MIS18BP1: variants seen among roughly 807,000 people sequenced by gnomAD.
MIS18BP1 encodes the protein mis18-binding protein 1.
A neutral mutation model predicts 116.1 loss-of-function variants in MIS18BP1; 72 were observed. The ratio of observed to expected loss-of-function variants is 0.62; its 90% CI spans 0.51 to 0.75. The LOEUF (loss-of-function observed/expected upper bound fraction) is 0.75, where lower values mean the gene tolerates loss of function less well. Ranked by LOEUF, MIS18BP1 falls within the 30% of genes least tolerant of loss-of-function variation. The probability of loss-of-function intolerance (pLI) is 0.00; values close to 1 mark genes in which losing one functional copy is unlikely to be tolerated. For synonymous variants in MIS18BP1, 386 were observed against 427.0 expected (o/e 0.90, Z 1.18); for missense variants, 1,363 against 1,303.2 (o/e 1.05, Z -0.71).
Position 45,247,006 on chromosome 14 carries a change from G to A in MIS18BP1, c.281C>T (p.Ala94Val). The A allele has an allele frequency of 6.2e-7, 1 of 1,613,186 alleles. No homozygotes were observed. Among genetic ancestry groups the A allele is most frequent in the Non-Finnish European group, 8.5e-7 (1 of 1,179,862 alleles). The change falls in exon 2 of 17, where the codon GCT becomes GTT. Residue 94 changes from alanine to valine, a missense_variant. Transcript: ENST00000310806. ...TAATCCATCCTTGTTGGGCTTTATA[G>A]CACTGATATCAAGAGAACTGTTAGA... ...TTSNSSLDIS[A>V]IKPNKDGLKN... is the part of the protein sequence containing the mutation.
rs754157744 is a variant in MIS18BP1 at position 45,204,197 on chromosome 14, G to A, written c.3311C>T (p.Ser1104Phe). Residue 1104 changes from serine (S) to phenylalanine (F), a missense_variant, in exon 17 of 17, where the codon TCT becomes TTT. Transcript: ENST00000310806. ...TPFNTDLGEN[S>F]GIGKLFTNAV... The stretch of plus-strand genomic sequence containing the variant: ...ATTAGTGAAAAGTTTTCCAATACCA[G>A]AGTTTTCTCCTAAGTCTGTAAAGAG... 1 of 1,609,500 alleles carries A rather than the reference G, an allele frequency of 6.2e-7. No individual in the cohort carries two copies.
chr14:45,210,484 TG>T lies in MIS18BP1; in HGVS notation c.3047del (p.Pro1016GlnfsTer18). 1.9e-6 allele frequency: 3 copies of T among 1,614,098 alleles called. No homozygotes were observed. Among genetic ancestry groups the T allele is most frequent in the Non-Finnish European group, 2.5e-6 (3 of 1,179,974 alleles). On this transcript the variant is annotated frameshift_variant, in exon 14 of 17. Coordinates refer to ENST00000310806, the MANE Select transcript of MIS18BP1 (RefSeq NM_018353.5). LOFTEE classifies it high-confidence loss of function. ...QDSEDDDDIL[P>X]NMDKNPTTPS... ...GAGTTGTTGGATTTTTGTCCATATT[TG>T]GCAGAATATCATCATCATCTTCACT...
rs745700230 is a variant in MIS18BP1 at position 45,224,045 on chromosome 14, C to T, written c.2542G>A (p.Val848Ile). The change falls in exon 11 of 17, where the codon GTT (valine) becomes ATT (isoleucine). Residue 848 changes from valine to isoleucine, a missense_variant. Coordinates refer to ENST00000310806, the MANE Select transcript of MIS18BP1 (RefSeq NM_018353.5). Reference sequence around the variant, plus strand: ...TCAGTAATTGGAAACTCTTTCCTAACACCAGACTTCTGAAGAGTTTCTTTG... The same window carrying T: ...TCAGTAATTGGAAACTCTTTCCTAATACCAGACTTCTGAAGAGTTTCTTTG... Reference protein sequence around the residue: ...SVKETLQKSGVRKEFPITEAV... With the variant: ...SVKETLQKSGIRKEFPITEAV... 4 of 1,613,858 alleles carry T rather than the reference C, an allele frequency of 2.5e-6. No homozygotes were observed. In the East Asian group the frequency reaches 6.7e-5, roughly 27 times the overall value.
intron 9 of MIS18BP1, among the ~76,000 whole-genome samples, 177 bp from the exon 10 acceptor site, chr14:45,227,013 T>G (rs1382204917): frequency 2.0e-5 from 3 of 152,214 alleles, no homozygotes; most frequent in East Asian, 1.9e-4. Flanking sequence ...ACGAGCAACA[T>G]CTGGGAATCC....
chr14:45,223,707 T>C (rs894911092), intron 11 of MIS18BP1, among the ~76,000 whole-genome samples: 2 of 152,262 alleles, frequency 1.3e-5, no homozygotes, highest in Non-Finnish European at 2.9e-5. Context: ...TCCTCATACT[T>C]AGGCTTTCCT....
At chr14:45,237,284 T>C (rs1948801925) in intron 5 of MIS18BP1, among the ~76,000 whole-genome samples, 1 of 152,236 alleles carries the variant, frequency 6.6e-6, no homozygotes, top group African/African-American at 2.4e-5. Context: ...CAGTAATTTA[T>C]ATCTGGTTGT....
At chr14:45,207,984 A>T (rs1890566161) in intron 14 of MIS18BP1, among the ~76,000 whole-genome samples, 1 of 152,124 alleles carries the variant, frequency 6.6e-6, no homozygotes, top group African/African-American at 2.4e-5. Context: ...CACAACCCAC[A>T]CTGGTGTCAT....
intron 11 of MIS18BP1, among the ~76,000 whole-genome samples, chr14:45,223,231 T>C (rs1891022784): frequency 1.3e-5 from 2 of 152,206 alleles, no homozygotes; most frequent in African/African-American, 4.8e-5. Context: ...TGCCCACTTC[T>C]AGGTTTCTAG....
intron 5 of MIS18BP1, among the ~76,000 whole-genome samples, chr14:45,236,928 T>C (rs1197500289): frequency 6.6e-6 from 1 of 151,558 alleles, no homozygotes; most frequent in Non-Finnish European, 1.5e-5. Context: ...GAAATGGGCA[T>C]AAAGCAGACA....
rs777910698 is a variant in MIS18BP1 at position 45,224,353 on chromosome 14, G to C, written c.2234C>G (p.Thr745Ser). ...QMLTSDFKKN[T>S]RLLPKLKKIE... Reference sequence around the variant, plus strand: ...TTTCTTCAATTTTGGTAATAGTCTGGTATTTTTCTTAAAGTCAGAGGTGAG... The same window carrying C: ...TTTCTTCAATTTTGGTAATAGTCTGCTATTTTTCTTAAAGTCAGAGGTGAG... The change falls in exon 11 of 17, where the codon ACC becomes AGC. Residue 745 changes from threonine (T) to serine (S), a missense_variant. Physicochemically the swap from Thr to Ser is moderately conservative, Grantham distance 58 (BLOSUM62 1). Transcript: ENST00000310806. 1.9e-6 allele frequency: 3 copies of C among 1,613,492 alleles called. No individual in the cohort carries two copies. Among genetic ancestry groups the C allele is most frequent in the Non-Finnish European group, 2.5e-6 (3 of 1,179,860 alleles).
chr14:45,235,877 T>C lies in MIS18BP1; in HGVS notation c.1285A>G (p.Thr429Ala), dbSNP rs1160578298. The C allele has an allele frequency of 6.2e-7, 1 of 1,611,716 alleles. No individual in the cohort carries two copies. The highest frequency in any genetic ancestry group is 1.7e-5 in the Admixed American group (1 of 59,748). ...AATATATAAACGTTGCCTGATATAG[T>C]CCTAAGTTTGTTGTGCTCAATCCGC... ...IERIEHNKLR[T>A]ISGNVYILKG... Residue 429 changes from threonine to alanine, a missense_variant, in exon 6 of 17, where the codon ACT becomes GCT. Coordinates refer to ENST00000310806, the MANE Select transcript of MIS18BP1 (RefSeq NM_018353.5).
intron 14 of MIS18BP1, chr14:45,210,126 G>GT (rs1228973874): frequency 7.6e-6 from 2 of 263,188 alleles, no homozygotes; most frequent in Admixed American, 5.3e-5. Flanking sequence ...TTTTTTTAAA[G>GT]TTTTTTACAA....
At chr14:45,237,860 C>A (rs1891470234) in intron 4 of MIS18BP1, 139 bp from the exon 5 acceptor site, 2 of 1,233,824 alleles carry the variant, frequency 1.6e-6, no homozygotes, top group African/African-American at 1.6e-5. Flanking sequence ...GATTCACATT[C>A]TATTCTAAAT....
At chr14:45,210,307 C>T (rs1211951514) in intron 14 of MIS18BP1, 73 bp downstream of exon 14, 13 of 1,455,638 alleles carry the variant, frequency 8.9e-6, no homozygotes, top group Non-Finnish European at 1.1e-5. Flanking sequence ...CATCTATGGT[C>T]CTCATGAAAT....
chr14:45,206,690 A>G (rs1890527185), intron 14 of MIS18BP1, among the ~76,000 whole-genome samples: 1 of 152,250 alleles, frequency 6.6e-6, no homozygotes, highest in Non-Finnish European at 1.5e-5. Flanking sequence ...CAAACATTTT[A>G]CAGGAAATAC....
chr14:45,242,285 C>T lies in MIS18BP1; in HGVS notation c.892G>A (p.Gly298Ser). 1 of 1,614,066 alleles carries T rather than the reference C, an allele frequency of 6.2e-7. No individual in the cohort carries two copies. Among genetic ancestry groups the T allele is most frequent in the Non-Finnish European group, 8.5e-7 (1 of 1,180,008 alleles). Reference protein sequence around the residue: ...LSTNCIPIKNGSLLMVSDSER... With the variant: ...LSTNCIPIKNSSLLMVSDSER... ...CTATCAGAAACCATTAACAGGCTGC[C>T]ATTTTTAATAGGAATACAATTAGTA... Residue 298 changes from glycine to serine, a missense_variant, in exon 4 of 17, where the codon GGC becomes AGC. Gly to Ser is a moderately conservative substitution (Grantham distance 56, BLOSUM62 0). Transcript: ENST00000310806.
At chr14:45,252,116 A>G (rs960256413) in intron 1 of MIS18BP1, among the ~76,000 whole-genome samples, 1 of 152,204 alleles carries the variant, frequency 6.6e-6, no homozygotes, top group African/African-American at 2.4e-5. Context: ...TCACTTGACA[A>G]TAAGTGAGAA....
At chr14:45,239,899 A>G (rs1209102346) in intron 4 of MIS18BP1, among the ~76,000 whole-genome samples, 1 of 152,174 alleles carries the variant, frequency 6.6e-6, no homozygotes. Context: ...TCCAAGATGA[A>G]TCTAAAATTT....
chr14:45,236,357 AC>A (rs1251329896), intron 5 of MIS18BP1, among the ~76,000 whole-genome samples: 1 of 152,144 alleles, frequency 6.6e-6, no homozygotes, highest in African/African-American at 2.4e-5. Flanking sequence ...GTGTTTTTTC[AC>A]CCTGGCTATA....
Sources: allele counts gnomAD v4.1 joint callset (sites outside exome capture counted in the v4.1 genomes callset), GRCh38; gene constraint gnomAD v4.1.1; transcripts MANE v1.5; gene names NCBI Gene and HGNC (gene_info 2026-07-23, HGNC 2026-07-21).